ERCC6: variants seen among roughly 807,000 people sequenced by gnomAD.
The protein encoded by ERCC6 is ERCC excision repair 6, chromatin remodeling factor.
ERCC6 carries 116 observed loss-of-function variants against 158.7 expected under a neutral mutation model. The observed-to-expected ratio is 0.73, with a 90% CI of 0.63 to 0.85. The LOEUF is 0.85. ERCC6 is among the 40% of genes least tolerant of loss of function. The pLI is 0.00. For missense variants in ERCC6, 1,698 were observed against 1,799.4 expected (o/e 0.94, Z 1.02); for synonymous variants, 678 against 659.3 (o/e 1.03, Z -0.43).
At position 49,484,666 on chromosome 10, in the gene ERCC6, GGAGTTA is replaced by G. The variant is rs528006131; in HGVS notation, c.1822-1156_1822-1151del. ...CAGGCAAGAAGATCCCTTGAGCTCAGGAGTTAGAGTCTACAGTGAGCTATAATCTCA... is the reference window on the plus strand; with the variant it reads ...CAGGCAAGAAGATCCCTTGAGCTCAGGAGTCTACAGTGAGCTATAATCTCA... On this transcript the variant is annotated intron_variant, in intron 8 of 20. Coordinates refer to ENST00000355832, the MANE Select transcript of ERCC6 (RefSeq NM_000124.4). 8.4e-3 allele frequency among the ~76,000 whole-genome samples: 1,284 copies of G among 152,300 alleles called. 22 individuals carry two copies. The highest frequency in any genetic ancestry group is 0.029 in the African/African-American group (1,207 of 41,564).
At chr10:49,492,818 G>A (rs1851198046) in intron 8 of ERCC6, among the ~76,000 whole-genome samples, 1 of 152,174 alleles carries the variant, frequency 6.6e-6, no homozygotes. Context: ...GCAGCCACCT[G>A]ACTTATGACT....
At chr10:49,435,222 G>A in the ERCC6 span, among the ~76,000 whole-genome samples, 1 of 152,084 alleles carries the variant, frequency 6.6e-6, no homozygotes, top group Non-Finnish European at 1.5e-5. Context: ...ATCAAAAACT[G>A]ATAGATTTAT....
At chr10:49,480,242 T>G (rs1350779686) in intron 10 of ERCC6, among the ~76,000 whole-genome samples, 2 of 152,108 alleles carry the variant, frequency 1.3e-5, no homozygotes, top group African/African-American at 4.8e-5. Flanking sequence ...CTGAGCCCCA[T>G]AAGCTCTGAC....
intron 5 of ERCC6, among the ~76,000 whole-genome samples, chr10:49,506,776 A>G (rs1044777861): frequency 2.0e-5 from 3 of 152,182 alleles, no homozygotes; most frequent in East Asian, 1.9e-4. Flanking sequence ...TTGCATTTAC[A>G]TAACTATAAT....
Position 49,483,421 on chromosome 10 carries a change from G to T in ERCC6, c.1917C>A (p.Asp639Glu), listed in dbSNP as rs1248544568. ...RLMQDDISRY[D>E]WHYVILDEGH... ...CTTCGTCCAAGATCACATAGTGCCAGTCATACCTGCTAATGTCATCCTGCA... is the reference window on the plus strand; with the variant it reads ...CTTCGTCCAAGATCACATAGTGCCATTCATACCTGCTAATGTCATCCTGCA... Residue 639 changes from aspartate to glutamate, a missense_variant, in exon 9 of 21, where the codon GAC becomes GAA. By Grantham distance (45) the Asp-to-Glu change is conservative. Transcript: ENST00000355832. The T allele has an allele frequency of 6.2e-7, 1 of 1,614,162 alleles. No individual in the cohort carries two copies. The highest frequency in any genetic ancestry group is 8.5e-7 in the Non-Finnish European group (1 of 1,180,004).
At chr10:49,487,821 A>C (rs1323644913) in intron 8 of ERCC6, among the ~76,000 whole-genome samples, 1 of 152,240 alleles carries the variant, frequency 6.6e-6, no homozygotes, top group African/African-American at 2.4e-5. Context: ...TCCTGTGTTC[A>C]GGAAGATGTA....
At chr10:49,508,305 G>C (rs935748259) in intron 5 of ERCC6, among the ~76,000 whole-genome samples, 1 of 152,140 alleles carries the variant, frequency 6.6e-6, no homozygotes, top group Non-Finnish European at 1.5e-5. Context: ...ATTGATATAT[G>C]ATGACCATTT....
At chr10:49,436,471 A>G in the ERCC6 span, among the ~76,000 whole-genome samples, 1 of 152,214 alleles carries the variant, frequency 6.6e-6, no homozygotes, top group Non-Finnish European at 1.5e-5. Context: ...GAACCCCTAC[A>G]AATCAATAAG....
At chr10:49,454,007 G>T (rs1850449350), downstream of ERCC6, among the ~76,000 whole-genome samples, 1 of 152,094 alleles carries the variant, frequency 6.6e-6, no homozygotes, top group South Asian at 2.1e-4. Context: ...AATCAATTTG[G>T]AGAGTTTTCA....
Position 49,482,738 on chromosome 10 carries a change from C to G in ERCC6, c.2118G>C (p.Gln706His). 6.2e-7 allele frequency: 1 copy of G among 1,613,862 alleles called. No homozygotes were observed. Among genetic ancestry groups the G allele is most frequent in the Non-Finnish European group, 8.5e-7 (1 of 1,179,994 alleles). The change falls in exon 10 of 21, where the codon CAG becomes CAC. Residue 706 changes from glutamine to histidine, a missense_variant. Gln to His is a conservative substitution (Grantham distance 24). Coordinates refer to ENST00000355832, the MANE Select transcript of ERCC6 (RefSeq NM_000124.4). ...CCCCCATGGTGATGGGGACGGAGAA[C>G]TGCTCCATAAACACAGGCAACGTGC... ...KLGTLPVFME[Q>H]FSVPITMGGY...
At chr10:49,535,894 C>T (rs1837585581) in intron 1 of ERCC6, among the ~76,000 whole-genome samples, 2 of 152,096 alleles carry the variant, frequency 1.3e-5, no homozygotes, top group Admixed American at 6.6e-5. Flanking sequence ...GAGGCCAAGG[C>T]GGGTGGATCA....
At chr10:49,519,378 A>C (rs767287698) in intron 5 of ERCC6, among the ~76,000 whole-genome samples, 2 of 152,210 alleles carry the variant, frequency 1.3e-5, no homozygotes, top group Admixed American at 6.5e-5. Flanking sequence ...CTGGAATGAC[A>C]TGTAGAAAAT....
intron 7 of ERCC6, among the ~76,000 whole-genome samples, chr10:49,494,372 A>C (rs1564427927): frequency 6.6e-6 from 1 of 152,274 alleles, no homozygotes; most frequent in Non-Finnish European, 1.5e-5. Context: ...GGAATATCAT[A>C]TAACTATTAA....
intron 5 of ERCC6, among the ~76,000 whole-genome samples, chr10:49,513,018 C>T (rs561109792): frequency 6.6e-6 from 1 of 152,196 alleles, no homozygotes; most frequent in South Asian, 2.1e-4. Context: ...CTCACAGACC[C>T]TCATTTCAAG....
At chr10:49,462,291 TACAAACGTTGGGGC>T (rs1042145832) in intron 18 of ERCC6, among the ~76,000 whole-genome samples, 1 of 152,174 alleles carries the variant, frequency 6.6e-6, no homozygotes, top group African/African-American at 2.4e-5. Context: ...TAAATGATGC[TACAAACGTTGGGGC>T]ACAAACGTTG....
rs1850764908 is a variant in ERCC6 at position 49,470,828 on chromosome 10, A to G, written c.3132T>C (p.Phe1044=). The G allele has an allele frequency of 1.2e-6, 2 of 1,614,174 alleles. No individual in the cohort carries two copies. Among genetic ancestry groups the G allele is most frequent in the Non-Finnish European group, 1.7e-6 (2 of 1,180,022 alleles). ...CHLKRRIQPA[F]GADHDVPKRK... is the part of the protein sequence containing the mutation. The stretch of plus-strand genomic sequence containing the variant: ...GTTTTGGAACATCATGGTCTGCTCC[A>G]AAGGCTGGTTGAATCCTTCTTTTTA... Residue 1044 remains phenylalanine (F), a synonymous_variant, in exon 18 of 21, where the codon TTT becomes TTC. Coordinates refer to ENST00000355832, the MANE Select transcript of ERCC6 (RefSeq NM_000124.4).
At chr10:49,450,025 A>G (rs1019764202), downstream of ERCC6, among the ~76,000 whole-genome samples, 1 of 152,070 alleles carries the variant, frequency 6.6e-6, no homozygotes, top group African/African-American at 2.4e-5. Context: ...GATGCACATG[A>G]CCATGACCAG....
intron 4 of ERCC6, among the ~76,000 whole-genome samples, chr10:49,526,520 G>GT (rs1837344458): frequency 6.6e-6 from 1 of 152,022 alleles, no homozygotes; most frequent in Non-Finnish European, 1.5e-5. Context: ...CCCCAGCTCA[G>GT]TATCTTGCCC....
chr10:49,519,995 A>G (rs1457287402), intron 5 of ERCC6, among the ~76,000 whole-genome samples: 1 of 152,184 alleles, frequency 6.6e-6, no homozygotes, highest in Non-Finnish European at 1.5e-5. Flanking sequence ...GAACCAGATG[A>G]TCTATGACAT....
Sources: gnomAD v4.1 joint callset for allele counts (sites outside exome capture counted in the v4.1 genomes callset) on GRCh38, gnomAD v4.1.1 for gene constraint, MANE v1.5 for transcripts, NCBI Gene and HGNC (gene_info 2026-07-23, HGNC 2026-07-21) for gene names.